DHX38: variants seen among roughly 807,000 people sequenced by gnomAD.
DHX38 encodes pre-mRNA-splicing factor ATP-dependent RNA helicase PRP16.
In DHX38, 100 loss-of-function variants were observed where a neutral mutation model predicts 153.1. The ratio of observed to expected loss-of-function variants is 0.65; its 90% confidence interval spans 0.56 to 0.77. The LOEUF is 0.77. Ranked by LOEUF, DHX38 falls within the 30% of genes least tolerant of loss-of-function variation. The probability of loss-of-function intolerance (pLI) is 0.00; values close to 1 mark genes in which losing one functional copy is unlikely to be tolerated. For missense variants in DHX38, 1,440 were observed against 1,654.0 expected, an observed-to-expected ratio of 0.87 and a Z score of 2.24; for synonymous variants, 650 against 631.7, an observed-to-expected ratio of 1.03 and a Z score of -0.43.
At position 72,103,595 on chromosome 16, in the gene DHX38, C is replaced by T. The variant is rs1229909998; in HGVS notation, c.1638-7C>T. The T allele has an allele frequency of 1.2e-6, 2 of 1,602,120 alleles. No homozygotes were observed. Among genetic ancestry groups the T allele is most frequent in the Non-Finnish European group, 1.7e-6 (2 of 1,170,124 alleles). On this transcript the variant is annotated splice_polypyrimidine_tract_variant and splice_region_variant and intron_variant, in intron 12 of 26. Coordinates refer to ENST00000268482, the MANE Select transcript of DHX38 (RefSeq NM_014003.4). ...CTGATAAGCCCTTTGCCTGCTTGTC[C>T]TTGTAGAGACAACAGCATCGTGATC...
At position 72,104,662 on chromosome 16, in the gene DHX38, A is replaced by T. The variant is rs753708745; in HGVS notation, c.2151+36A>T. ...CACCATGTTACGAACTGACCCTTCC[A>T]TGCCACGCACTTCTCTGATGCGAAG... On this transcript the variant is annotated intron_variant, in intron 15 of 26. Coordinates refer to ENST00000268482, the MANE Select transcript of DHX38 (RefSeq NM_014003.4). This position sits in a 1 kb window ranked among gnomAD's most constrained non-coding sequence, Gnocchi z 4.5. 2.5e-6 allele frequency: 4 copies of T among 1,612,984 alleles called. No individual in the cohort carries two copies. In the South Asian group the frequency reaches 4.4e-5, roughly 18 times the overall value.
intron 19 of DHX38, 72 bp downstream of exon 19, chr16:72,106,189 G>A (rs1045191159): frequency 3.8e-5 from 55 of 1,454,124 alleles, no homozygotes; most frequent in African/African-American, 5.6e-5. Context: ...GGGCGGGGGC[G>A]GGCAGGATGC....
chr16:72,097,448 A>G (rs1024836278), intron 3 of DHX38: 4 of 515,366 alleles, frequency 7.8e-6, no homozygotes, highest in African/African-American at 1.9e-5. Flanking sequence ...TATTTTTTGA[A>G]TTCTTGCTGG....
chr16:72,110,262 T>C (rs907388627), intron 25 of DHX38, among the ~76,000 whole-genome samples: 1 of 152,262 alleles, frequency 6.6e-6, no homozygotes, highest in South Asian at 2.1e-4. Flanking sequence ...GTGCCTGTGT[T>C]TCGTGCACTT....
chr16:72,099,208 A>C lies in DHX38; in HGVS notation c.888A>C (p.Arg296Ser). Residue 296 changes from arginine to serine, a missense_variant, in exon 7 of 27, where the codon AGA becomes AGC. Coordinates refer to ENST00000268482, the MANE Select transcript of DHX38 (RefSeq NM_014003.4). ...STPRLSRGRG[R>S]REEGEEGISF... is the part of the protein sequence containing the mutation. ...CTGCTTCCTGTGCTCCTCCAGGAAG[A>C]CGTGAGGAGGGCGAAGAAGGAATTT... The C allele has an allele frequency of 6.2e-7, 1 of 1,610,784 alleles. No individual in the cohort carries two copies. The highest frequency in any genetic ancestry group is 8.5e-7 in the Non-Finnish European group (1 of 1,178,800).
chr16:72,109,324 GC>G, intron 24 of DHX38, 90 bp from the exon 25 acceptor site: 1 of 1,404,924 alleles, frequency 7.1e-7, no homozygotes, highest in Non-Finnish European at 9.8e-7. Flanking sequence ...CAGGGATTGG[GC>G]CCTTCCCATG....
rs376528242 is a variant in DHX38 at position 72,108,459 on chromosome 16, G to T, written c.3121-14G>T. On this transcript the variant is annotated splice_polypyrimidine_tract_variant and intron_variant, in intron 22 of 26. Coordinates refer to ENST00000268482, the MANE Select transcript of DHX38 (RefSeq NM_014003.4). ...AGGAGGGCTCCCTCCTGGTGCCTCC[G>T]TCTCCTGCCCTAGGTCCGGGAGGTG... 6.2e-7 allele frequency: 1 copy of T among 1,613,812 alleles called. No homozygotes were observed. Among genetic ancestry groups the T allele is most frequent in the Non-Finnish European group, 8.5e-7 (1 of 1,179,844 alleles).
chr16:72,106,937 G>A (rs2042186113), intron 19 of DHX38, among the ~76,000 whole-genome samples: 1 of 152,150 alleles, frequency 6.6e-6, no homozygotes, highest in Admixed American at 6.5e-5. Context: ...TTGGGAGGCC[G>A]AGGCGGGCCG....
chr16:72,095,655 A>AT (rs1483368293), intron 1 of DHX38, among the ~76,000 whole-genome samples: 1 of 152,102 alleles, frequency 6.6e-6, no homozygotes, highest in African/African-American at 2.4e-5. Context: ...TAAGGTAAAA[A>AT]TTTTTTCCAT....
Position 72,107,811 on chromosome 16 carries a change from G to A in DHX38, c.2964+12G>A. On this transcript the variant is annotated intron_variant, in intron 21 of 26. Transcript: ENST00000268482. This position sits in a 1 kb window ranked among gnomAD's most constrained non-coding sequence, Gnocchi z 5.3. Reference sequence around the variant, plus strand: ...TCTACAGGCCCAAGGTGGGGCAGCGGCTGGCTCCCCTCTCCCCGGAGGGCT... The same window carrying A: ...TCTACAGGCCCAAGGTGGGGCAGCGACTGGCTCCCCTCTCCCCGGAGGGCT... 1 of 1,611,622 alleles carries A rather than the reference G, an allele frequency of 6.2e-7. No individual in the cohort carries two copies. The highest frequency in any genetic ancestry group is 8.5e-7 in the Non-Finnish European group (1 of 1,179,302).
chr16:72,107,486 C>T lies in DHX38; in HGVS notation c.2747C>T (p.Pro916Leu), dbSNP rs995578851. The change falls in exon 20 of 27, where the codon CCG (proline) becomes CTG (leucine). Residue 916 changes from proline (P) to leucine (L), a missense_variant. Physicochemically the swap from Pro to Leu is moderately conservative, Grantham distance 98. Transcript: ENST00000268482. This position sits in a 1 kb window ranked among gnomAD's most constrained non-coding sequence, Gnocchi z 5.3. Reference sequence around the variant, plus strand: ...CAGTTCCACTTCATGGACCCGCCCCCGGAGGACAACATGCTCAACTCTATG... The same window carrying T: ...CAGTTCCACTTCATGGACCCGCCCCTGGAGGACAACATGCTCAACTCTATG... ...LLQFHFMDPP[P>L]EDNMLNSMYQ... 5.0e-6 allele frequency: 8 copies of T among 1,614,214 alleles called. No individual in the cohort carries two copies. The highest frequency in any genetic ancestry group is 6.8e-6 in the Non-Finnish European group (8 of 1,180,042).
chr16:72,100,390 C>A, intron 8 of DHX38, 46 bp from the exon 9 acceptor site: 1 of 1,598,540 alleles, frequency 6.3e-7, no homozygotes, highest in Non-Finnish European at 8.5e-7. Flanking sequence ...TTCAGGACGA[C>A]CTTTGGGGTG....
At chr16:72,110,839 T>C in intron 25 of DHX38, 117 bp from the exon 26 acceptor site, 1 of 1,382,722 alleles carries the variant, frequency 7.2e-7, no homozygotes, top group Non-Finnish European at 9.7e-7. Context: ...GGCAGCCATG[T>C]GGAGCACTGG....
chr16:72,100,935 A>T (rs2042091338), intron 9 of DHX38, 151 bp from the exon 10 acceptor site: 1 of 805,354 alleles, frequency 1.2e-6, no homozygotes, highest in Admixed American at 2.3e-5. Context: ...TCACACACAA[A>T]AAAGGCCTGA....
intron 2 of DHX38, 128 bp downstream of exon 2, chr16:72,096,608 A>C (rs2042022435): frequency 5.4e-6 from 8 of 1,472,550 alleles, no homozygotes; most frequent in Non-Finnish European, 7.2e-6. Flanking sequence ...ATTCTGTAAT[A>C]CTGAAGGTAG....
At chr16:72,101,715 GA>G (rs1288957876) in intron 11 of DHX38, 103 bp downstream of exon 11, 6 of 836,464 alleles carry the variant, frequency 7.2e-6, no homozygotes, top group African/African-American at 1.7e-5. Flanking sequence ...CTGAGTGGGA[GA>G]CTCTTAGGAT....
At chr16:72,105,925 C>A in intron 18 of DHX38, 80 bp from the exon 19 acceptor site, 1 of 1,342,750 alleles carries the variant, frequency 7.4e-7, no homozygotes. Flanking sequence ...GTGTAGCAAC[C>A]AGGGCTTGCC....
chr16:72,095,174 T>C (rs2041993460), intron 1 of DHX38, among the ~76,000 whole-genome samples: 1 of 152,248 alleles, frequency 6.6e-6, no homozygotes, highest in Admixed American at 6.5e-5. Context: ...AGAACTGATA[T>C]ATGTTGATGA....
rs761728672 is a variant in DHX38 at position 72,108,535 on chromosome 16, G to A, written c.3183G>A (p.Ser1061=). The A allele has an allele frequency of 2.0e-5, 32 of 1,614,054 alleles. No individual in the cohort carries two copies. Among genetic ancestry groups the A allele is most frequent in the South Asian group, 1.3e-4 (12 of 91,088 alleles). The change falls in exon 23 of 27, where the codon TCG becomes TCA. Residue 1061 remains serine, a synonymous_variant. Transcript: ENST00000268482. The part of the protein sequence containing the change: ...IMVQQRMSLA[S]CGTDWDIVRK... ...TGCAGCAGCGGATGAGCCTGGCCTC[G>A]TGTGGCACTGACTGGGACATCGTCA... is the stretch of plus-strand genomic sequence containing the variant.
Sources: gnomAD v4.1 joint callset for allele counts (sites outside exome capture counted in the v4.1 genomes callset) on GRCh38, gnomAD v4.1.1 for gene constraint, Gnocchi (gnomAD v3.1) non-coding constraint, MANE v1.5 for transcripts, NCBI Gene and HGNC (gene_info 2026-07-23, HGNC 2026-07-21) for gene names.